The following COL5A1 variants were observed in gnomAD, a reference collection of about 807,000 sequenced individuals.
COL5A1 encodes collagen alpha-1(V) chain.
Under a neutral mutation model 263.7 loss-of-function variants are expected in COL5A1, and 16 were observed. The ratio of observed to expected loss-of-function variants is 0.06; its 90% CI spans 0.04 to 0.09. The LOEUF (loss-of-function observed/expected upper bound fraction) is 0.09. COL5A1 is among the 10% of genes least tolerant of loss of function. The probability of loss-of-function intolerance (pLI) is 1.00; values close to 1 mark genes in which losing one functional copy is unlikely to be tolerated. For synonymous variants in COL5A1, 1,012 were observed against 1,004.5 expected, an observed-to-expected ratio of 1.01 and a Z score of -0.14; for missense variants, 2,036 against 2,540.5, an observed-to-expected ratio of 0.80 and a Z score of 4.27.
rs1588569724 is a variant in COL5A1, at chr9:134,805,025, A to G, written c.3165A>G (p.Leu1055=). 1.2e-6 allele frequency: 2 copies of G among 1,613,940 alleles called. No homozygotes were observed. The highest frequency in any genetic ancestry group is 1.7e-6 in the Non-Finnish European group (2 of 1,180,016). ...CTGGGAAAGATGGCCCTCCAGGATT[A>G]CGTGGTTTCCCTGGGGACCGAGGGC... ...GLPGKDGPPG[L]RGFPGDRGLP... The change falls in exon 40 of 66, where the codon TTA becomes TTG. Residue 1055 remains leucine, a synonymous_variant. Transcript: ENST00000371817.
chr9:134,830,677 A>C (rs1390437290), intron 64 of COL5A1, among the ~76,000 whole-genome samples: 3 of 152,134 alleles, frequency 2.0e-5, no homozygotes, highest in African/African-American at 7.2e-5. Context: ...TCCCAGTTAC[A>C]CTGCACACCA....
At chr9:134,645,789 AC>A (rs1415798634) in intron 1 of COL5A1, among the ~76,000 whole-genome samples, 1 of 151,868 alleles carries the variant, frequency 6.6e-6, no homozygotes, top group Non-Finnish European at 1.5e-5. Flanking sequence ...CCCTCTTCTC[AC>A]TTCCCATCGG....
At chr9:134,690,313 G>T (rs879543264) in intron 1 of COL5A1, among the ~76,000 whole-genome samples, 1,421 of 35,516 alleles carry the variant, frequency 0.04, 13 homozygotes, top group Non-Finnish European at 0.13. Context: ...GGATAATGAC[G>T]GGGGGATAAA....
At chr9:134,663,288 G>A (rs1183393971) in intron 1 of COL5A1, among the ~76,000 whole-genome samples, 3 of 152,228 alleles carry the variant, frequency 2.0e-5, no homozygotes, top group Non-Finnish European at 4.4e-5. Flanking sequence ...TGTGGTGGCC[G>A]GGGGCCTGTC....
At chr9:134,689,888 G>T (rs949565585) in intron 1 of COL5A1, among the ~76,000 whole-genome samples, 1 of 152,170 alleles carries the variant, frequency 6.6e-6, no homozygotes, top group African/African-American at 2.4e-5. Context: ...TTTCTCTGCC[G>T]GGACTCCCAG....
chr9:134,741,445 G>C lies in COL5A1; in HGVS notation c.1494+2637G>C, dbSNP rs1296666470. On this transcript the variant is annotated intron_variant, in intron 11 of 65. Coordinates refer to ENST00000371817, the MANE Select transcript of COL5A1 (RefSeq NM_000093.5). The surrounding 1 kb of genome is among the most constrained non-coding windows in gnomAD (Gnocchi z 4.5). Reference sequence around the variant, plus strand: ...CCAAGGAAAAGGGGGTTTGGGCTTCGCGGGGTGACAGATGGTGGGCAAGTG... The same window carrying C: ...CCAAGGAAAAGGGGGTTTGGGCTTCCCGGGGTGACAGATGGTGGGCAAGTG... Among the ~76,000 whole-genome samples the C allele has an allele frequency of 6.6e-5, 10 of 152,254 alleles. No homozygotes were observed. Among genetic ancestry groups the C allele is most frequent in the Admixed American group, 6.5e-4 (10 of 15,294 alleles).
At chr9:134,804,598 G>GT (rs1269268082) in intron 39 of COL5A1, among the ~76,000 whole-genome samples, 97 of 152,326 alleles carry the variant, frequency 6.4e-4, no homozygotes, top group South Asian at 1.4e-3. Context: ...GTGGAGCAGG[G>GT]GTAGAGTCAG....
chr9:134,709,238 C>T (rs993744847), intron 4 of COL5A1: 1 of 328,670 alleles, frequency 3.0e-6, no homozygotes. Flanking sequence ...AAAAGTGAGC[C>T]TCTGGGCATG....
chr9:134,824,204 C>T (rs1839156498), intron 61 of COL5A1, among the ~76,000 whole-genome samples: 1 of 152,202 alleles, frequency 6.6e-6, no homozygotes, highest in Non-Finnish European at 1.5e-5. Context: ...CATCAGGAGG[C>T]ATTCATGTGG....
In COL5A1 at chr9:134,742,084, C is replaced by G. The variant is rs1019104581; in HGVS notation, c.1494+3276C>G. 2.6e-5 allele frequency among the ~76,000 whole-genome samples: 4 copies of G among 152,224 alleles called. No individual in the cohort carries two copies. Among genetic ancestry groups the G allele is most frequent in the Non-Finnish European group, 5.9e-5 (4 of 68,044 alleles). ...ATGCAGCCCTGACCAGCTGCTGAAGCCCACACCCTGTGCCTCCACTGGCTG... is the reference window on the plus strand; with the variant it reads ...ATGCAGCCCTGACCAGCTGCTGAAGGCCACACCCTGTGCCTCCACTGGCTG... On this transcript the variant is annotated intron_variant, in intron 11 of 65. Coordinates refer to ENST00000371817, the MANE Select transcript of COL5A1 (RefSeq NM_000093.5). This position sits in a 1 kb window ranked among gnomAD's most constrained non-coding sequence, Gnocchi z 4.6.
At chr9:134,815,895 C>T in intron 51 of COL5A1, 40 bp from the exon 52 acceptor site, 1 of 1,611,784 alleles carries the variant, frequency 6.2e-7, no homozygotes, top group Non-Finnish European at 8.5e-7. Context: ...CTCAGGGTGC[C>T]ATCCGGGGTT....
At chr9:134,669,494 C>A (rs972504104) in intron 1 of COL5A1, among the ~76,000 whole-genome samples, 1 of 151,888 alleles carries the variant, frequency 6.6e-6, no homozygotes, top group African/African-American at 2.4e-5. Flanking sequence ...GGGTGGTTTA[C>A]GACCATCTCA....
At chr9:134,743,991 G>A (rs779390216) in intron 11 of COL5A1, among the ~76,000 whole-genome samples, 1 of 152,136 alleles carries the variant, frequency 6.6e-6, no homozygotes, top group African/African-American at 2.4e-5. Context: ...CCTCCCCATG[G>A]CCTGCTGGTG....
intron 18 of COL5A1, among the ~76,000 whole-genome samples, chr9:134,759,973 GCA>G (rs1245230130): frequency 3.1e-5 from 2 of 65,264 alleles, no homozygotes; most frequent in Non-Finnish European, 5.3e-5. Context: ...ATGCACACAT[GCA>G]CACACATGCA....
intron 1 of COL5A1, among the ~76,000 whole-genome samples, chr9:134,688,277 G>A (rs982909720): frequency 6.6e-6 from 1 of 152,164 alleles, no homozygotes; most frequent in Non-Finnish European, 1.5e-5. Context: ...AGCATCACGG[G>A]CTTGTTATGG....
At chr9:134,782,510 C>T (rs1837295898) in intron 28 of COL5A1, 157 bp from the exon 29 acceptor site, 5 of 754,420 alleles carry the variant, frequency 6.6e-6, no homozygotes, top group East Asian at 2.4e-5. Context: ...AAGCCATTCT[C>T]GAGGGATGGG....
At chr9:134,787,845 C>G (rs1837518607) in intron 31 of COL5A1, among the ~76,000 whole-genome samples, 1 of 152,240 alleles carries the variant, frequency 6.6e-6, no homozygotes, top group Admixed American at 6.5e-5. Flanking sequence ...ACACCAGCCA[C>G]CCTCCTATGG....
Position 134,825,868 on chromosome 9 carries a change from G to T in COL5A1, c.5031G>T (p.Gly1677=). 1.2e-6 allele frequency: 2 copies of T among 1,613,134 alleles called. No individual in the cohort carries two copies. Among genetic ancestry groups the T allele is most frequent in the Non-Finnish European group, 1.7e-6 (2 of 1,179,326 alleles). ...FKVYCNFTAG[G]STCVFPDKKS... ...TTTACTGCAACTTCACAGCCGGGGGGTCGACATGCGTCTTCCCTGACAAGA... is the reference window on the plus strand; with the variant it reads ...TTTACTGCAACTTCACAGCCGGGGGTTCGACATGCGTCTTCCCTGACAAGA... The change falls in exon 63 of 66, where the codon GGG becomes GGT. Residue 1677 remains glycine (G), a synonymous_variant. Transcript: ENST00000371817.
intron 2 of COL5A1, among the ~76,000 whole-genome samples, chr9:134,693,214 G>A (rs73560632): frequency 0.012 from 1,833 of 152,096 alleles, 28 homozygotes; most frequent in African/African-American, 0.042. Flanking sequence ...GTCTGTTTCC[G>A]GCTTTTAACC....
Sources: gnomAD v4.1 joint callset for allele counts (sites outside exome capture counted in the v4.1 genomes callset) on GRCh38, gnomAD v4.1.1 for gene constraint, Gnocchi (gnomAD v3.1) non-coding constraint, MANE v1.5 for transcripts, NCBI Gene and HGNC (gene_info 2026-07-23, HGNC 2026-07-21) for gene names.